PDGFD: variants seen among roughly 807,000 people sequenced by gnomAD.
The protein encoded by PDGFD is platelet-derived growth factor D.
In PDGFD, 30 loss-of-function variants were observed where a neutral mutation model predicts 44.7. The observed-to-expected ratio is 0.67, with a 90% CI of 0.50 to 0.91. PDGFD has a LOEUF of 0.91. Ranked by LOEUF, PDGFD falls within the 40% of genes least tolerant of loss-of-function variation. The pLI, the probability that PDGFD is intolerant of heterozygous loss-of-function variation, is 0.00. For missense variants in PDGFD, 445 were observed against 457.8 expected, an observed-to-expected ratio of 0.97 and a Z score of 0.25; for synonymous variants, 173 against 168.4, an observed-to-expected ratio of 1.03 and a Z score of -0.21.
At chr11:104,070,902 A>C (rs927935476) in intron 1 of PDGFD, among the ~76,000 whole-genome samples, 2 of 152,118 alleles carry the variant, frequency 1.3e-5, no homozygotes, top group Non-Finnish European at 2.9e-5. Flanking sequence ...GTTCAGAATA[A>C]ATTTCTGACA....
intron 1 of PDGFD, among the ~76,000 whole-genome samples, chr11:104,132,026 G>T (rs12290767): frequency 0.13 from 19,767 of 151,764 alleles, 1,426 homozygotes; most frequent in East Asian, 0.29. Context: ...TTCAGGCTCA[G>T]GAAATCTTGA....
chr11:104,126,972 T>G (rs559718659), intron 1 of PDGFD, among the ~76,000 whole-genome samples: 1 of 152,006 alleles, frequency 6.6e-6, no homozygotes, highest in African/African-American at 2.4e-5. Context: ...CTCTATGAAG[T>G]TTTTTGAGGG....
chr11:104,162,748 G>T (rs2119941687), intron 1 of PDGFD, among the ~76,000 whole-genome samples: 1 of 152,218 alleles, frequency 6.6e-6, no homozygotes, highest in Middle Eastern at 3.4e-3. Context: ...TGGCTAATAG[G>T]AATTTACCAA....
At chr11:103,923,557 G>A (rs1279415535) in intron 6 of PDGFD, among the ~76,000 whole-genome samples, 2 of 152,150 alleles carry the variant, frequency 1.3e-5, no homozygotes, top group Non-Finnish European at 2.9e-5. Flanking sequence ...ATGAGCTGGG[G>A]AAACTGGTTT....
rs748094647 is a variant in PDGFD, at chr11:104,122,259, CCT to C, written c.124+41543_124+41544del. Among the ~76,000 whole-genome samples the C allele has an allele frequency of 1.1e-4, 16 of 152,040 alleles. 1 individual carries two copies. In the East Asian group the frequency reaches 2.9e-3, roughly 28 times the overall value. On this transcript the variant is annotated intron_variant, in intron 1 of 6. Coordinates refer to ENST00000393158, the MANE Select transcript of PDGFD (RefSeq NM_025208.5). ...TATCTAACATGAAGGCTCCATTTTT[CCT>C]CTTTTTTTTTGTTATAGTAAAGGAA...
intron 3 of PDGFD, among the ~76,000 whole-genome samples, chr11:103,972,807 C>T (rs935100737): frequency 6.6e-6 from 1 of 152,168 alleles, no homozygotes; most frequent in South Asian, 2.1e-4. Flanking sequence ...CAGGCTACAA[C>T]GTTCTCAACT....
intron 3 of PDGFD, among the ~76,000 whole-genome samples, chr11:103,980,075 G>T (rs1425100079): frequency 1.3e-5 from 2 of 151,832 alleles, no homozygotes; most frequent in African/African-American, 4.8e-5. Context: ...TATCTCCTAT[G>T]GCTAAATGAA....
intron 1 of PDGFD, among the ~76,000 whole-genome samples, chr11:104,160,836 CAG>C (rs1349031627): frequency 6.6e-6 from 1 of 152,158 alleles, no homozygotes; most frequent in Non-Finnish European, 1.5e-5. Context: ...GGCCAGGACA[CAG>C]CAGCAGATCA....
chr11:103,922,071 G>C (rs1858232712), intron 6 of PDGFD, among the ~76,000 whole-genome samples: 1 of 151,702 alleles, frequency 6.6e-6, no homozygotes, highest in Admixed American at 6.6e-5. Flanking sequence ...GAAGAACAGA[G>C]GAAATTAACA....
At chr11:104,035,980 G>A (rs1261184498) in intron 1 of PDGFD, among the ~76,000 whole-genome samples, 3 of 152,140 alleles carry the variant, frequency 2.0e-5, no homozygotes, top group African/African-American at 7.2e-5. Context: ...TCCCTTTCCA[G>A]AAATGTGAGC....
At chr11:103,948,757 G>A (rs186748123) in intron 3 of PDGFD, among the ~76,000 whole-genome samples, 1,602 of 152,132 alleles carry the variant, frequency 0.011, 15 homozygotes, top group Non-Finnish European at 0.017. Flanking sequence ...GGAGCTGGAA[G>A]TACATTTGTT....
chr11:104,079,326 C>A (rs772790029), intron 1 of PDGFD, among the ~76,000 whole-genome samples: 11 of 152,114 alleles, frequency 7.2e-5, no homozygotes, highest in Non-Finnish European at 1.3e-4. Flanking sequence ...AGGTTCTTAC[C>A]CTGAATTTTT....
chr11:104,011,583 T>G (rs1387962456), intron 1 of PDGFD, among the ~76,000 whole-genome samples: 3 of 151,976 alleles, frequency 2.0e-5, no homozygotes, highest in African/African-American at 7.2e-5. Context: ...TGGGACAGAG[T>G]TTTCATAGAT....
chr11:104,141,816 C>T (rs1384784), intron 1 of PDGFD, among the ~76,000 whole-genome samples: 3 of 152,046 alleles, frequency 2.0e-5, no homozygotes, highest in African/African-American at 4.8e-5. Context: ...GCCTCCCCTA[C>T]GCCCTCCAGA....
chr11:104,045,034 TCTAAAAA>T (rs1364601217), intron 1 of PDGFD, among the ~76,000 whole-genome samples: 18 of 152,012 alleles, frequency 1.2e-4, no homozygotes, highest in Admixed American at 1.2e-3. Flanking sequence ...GGAGACTCTG[TCTAAAAA>T]CAAACAAACA....
intron 1 of PDGFD, among the ~76,000 whole-genome samples, chr11:104,044,572 G>GACA (rs1294355431): frequency 2.0e-5 from 3 of 152,118 alleles, no homozygotes; most frequent in Non-Finnish European, 4.4e-5. Context: ...GCTATGGGTT[G>GACA]ACAATTTAAT....
At position 104,152,909 on chromosome 11, in the gene PDGFD, C is replaced by T. The variant is rs538432955; in HGVS notation, c.124+10895G>A. ...TTAGGAAATATCAGACATTATCATG[C>T]ACCCATAATCATAAATGTTAATTAT... On this transcript the variant is annotated intron_variant, in intron 1 of 6. Transcript: ENST00000393158. 3.3e-5 allele frequency among the ~76,000 whole-genome samples: 5 copies of T among 152,224 alleles called. No individual in the cohort carries two copies. In the East Asian group the frequency reaches 9.7e-4, roughly 29 times the overall value.
intron 1 of PDGFD, among the ~76,000 whole-genome samples, chr11:104,039,607 AGAAC>A (rs1860314521): frequency 6.6e-6 from 1 of 152,182 alleles, no homozygotes; most frequent in Non-Finnish European, 1.5e-5. Context: ...TATACCCAGT[AGAAC>A]TACTAAAAAT....
At chr11:104,019,485 A>G (rs1199887966) in intron 1 of PDGFD, among the ~76,000 whole-genome samples, 1 of 152,218 alleles carries the variant, frequency 6.6e-6, no homozygotes, top group African/African-American at 2.4e-5. Flanking sequence ...ACATTTAACC[A>G]AAAACTATTA....
Sources: allele counts gnomAD v4.1 joint callset (sites outside exome capture counted in the v4.1 genomes callset), GRCh38; gene constraint gnomAD v4.1.1; transcripts MANE v1.5; gene names NCBI Gene and HGNC (gene_info 2026-07-23, HGNC 2026-07-21).